Variants in FRMD3 observed in about 807,000 individuals in gnomAD.
FRMD3 encodes FERM domain-containing protein 3.
Under a neutral mutation model 70.2 loss-of-function variants are expected in FRMD3, and 33 were observed. The observed-to-expected ratio is 0.47, with a 90% confidence interval of 0.36 to 0.63. FRMD3 has a LOEUF of 0.63. FRMD3 is among the 20% of genes least tolerant of loss of function. The pLI is 0.00. For missense variants in FRMD3, 632 were observed against 711.4 expected, an observed-to-expected ratio of 0.89 and a Z score of 1.27; for synonymous variants, 279 against 255.9, an observed-to-expected ratio of 1.09 and a Z score of -0.86.
intron 10 of FRMD3, among the ~76,000 whole-genome samples, chr9:83,307,332 G>A (rs990985848): frequency 3.9e-5 from 6 of 152,204 alleles, no homozygotes; most frequent in African/African-American, 1.4e-4. Context: ...ATATGCCCAA[G>A]AGAACTGTCC....
Position 83,247,027 on chromosome 9 carries a change from T to C in FRMD3, c.*891A>G, listed in dbSNP as rs1832139293. 1 of 985,426 alleles carries C rather than the reference T, an allele frequency of 1.0e-6. No homozygotes were observed. The highest frequency in any genetic ancestry group is 4.7e-5 in the South Asian group (1 of 21,286). 61.0% of individuals were successfully genotyped at this position (985,426 alleles called of 1,614,324 possible). On this transcript the variant is annotated 3_prime_UTR_variant, in exon 14 of 14. Coordinates refer to ENST00000304195, the MANE Select transcript of FRMD3 (RefSeq NM_174938.6). Reference sequence around the variant, plus strand: ...CTAGCACATCTGTTACCTTTTTTCCTTTAAACTCTCACTTTCTTTTTAAAA... The same window carrying C: ...CTAGCACATCTGTTACCTTTTTTCCCTTAAACTCTCACTTTCTTTTTAAAA...
intron 1 of FRMD3, among the ~76,000 whole-genome samples, chr9:83,496,061 C>G (rs1828935307): frequency 6.6e-6 from 1 of 152,174 alleles, no homozygotes; most frequent in South Asian, 2.1e-4. Context: ...ATGAGACCTT[C>G]TTACACTAGC....
chr9:83,569,433 G>C, the FRMD3 span, among the ~76,000 whole-genome samples: 1 of 152,190 alleles, frequency 6.6e-6, no homozygotes, highest in African/African-American at 2.4e-5. Context: ...GCGTCTGCCT[G>C]GCCCAGGAGC....
intron 13 of FRMD3, among the ~76,000 whole-genome samples, chr9:83,254,617 A>G (rs1368225647): frequency 1.3e-5 from 2 of 152,120 alleles, no homozygotes; most frequent in African/African-American, 4.8e-5. Flanking sequence ...AGAAAAAAAT[A>G]AACTAGATAG....
At chr9:83,482,111 C>T (rs994876137) in intron 1 of FRMD3, among the ~76,000 whole-genome samples, 1 of 152,162 alleles carries the variant, frequency 6.6e-6, no homozygotes, top group Non-Finnish European at 1.5e-5. Flanking sequence ...GCTGTCTCCA[C>T]GATTACTTGG....
chr9:83,421,734 A>T (rs1173301873), intron 1 of FRMD3, among the ~76,000 whole-genome samples: 1 of 152,210 alleles, frequency 6.6e-6, no homozygotes, highest in African/African-American at 2.4e-5. Context: ...TTTGATACAA[A>T]GTTATTTCCC....
intron 1 of FRMD3, among the ~76,000 whole-genome samples, chr9:83,456,015 G>T (rs1478943798): frequency 6.6e-6 from 1 of 152,064 alleles, no homozygotes; most frequent in Non-Finnish European, 1.5e-5. Context: ...ATACAAAAAG[G>T]TTTACCATGG....
intron 1 of FRMD3, among the ~76,000 whole-genome samples, chr9:83,519,374 G>A (rs138153389): frequency 3.9e-5 from 6 of 152,072 alleles, no homozygotes; most frequent in South Asian, 2.1e-4. Context: ...TTATGCGGCC[G>A]CCAAACACAT....
intron 1 of FRMD3, among the ~76,000 whole-genome samples, chr9:83,535,497 GCT>G (rs1275236583): frequency 6.6e-6 from 1 of 152,132 alleles, no homozygotes; most frequent in Non-Finnish European, 1.5e-5. Context: ...ATGTCCAAGA[GCT>G]CCTGCTCCTC....
rs778524664 is a variant in FRMD3 at position 83,248,199 on chromosome 9, G to A, written c.1513C>T (p.Arg505Cys). 1.2e-5 allele frequency: 20 copies of A among 1,614,162 alleles called. No homozygotes were observed. Among genetic ancestry groups the A allele is most frequent in the Admixed American group, 5.0e-5 (3 of 60,026 alleles). The change falls in exon 14 of 14, where the codon CGC (arginine) becomes TGC (cysteine). Residue 505 changes from arginine to cysteine, a missense_variant. Arg to Cys is a radical substitution (Grantham distance 180). Coordinates refer to ENST00000304195, the MANE Select transcript of FRMD3 (RefSeq NM_174938.6). Reference sequence around the variant, plus strand: ...TCATAGCTCCACGACAAAGCACGGCGAGCCTCCTTCAGCTCCTCTTCTTCA... The same window carrying A: ...TCATAGCTCCACGACAAAGCACGGCAAGCCTCCTTCAGCTCCTCTTCTTCA... ...IAEEEELKEA[R>C]RALSWSYDIL...
chr9:83,559,088 T>C, the FRMD3 span, among the ~76,000 whole-genome samples: 3 of 152,218 alleles, frequency 2.0e-5, no homozygotes, highest in Non-Finnish European at 2.9e-5. Flanking sequence ...AGTTAGCTGA[T>C]AAAGCAGTAG....
At chr9:83,313,447 C>G (rs959742182) in intron 7 of FRMD3, among the ~76,000 whole-genome samples, 1 of 152,176 alleles carries the variant, frequency 6.6e-6, no homozygotes, top group Non-Finnish European at 1.5e-5. Context: ...AATATGGCTA[C>G]TACATGGCAA....
upstream of FRMD3, chr9:83,538,413 T>TC (rs973055967): frequency 1.2e-5 from 5 of 421,930 alleles, no homozygotes; most frequent in Non-Finnish European, 2.0e-5. This position sits in a 1 kb window ranked among gnomAD's most constrained non-coding sequence, Gnocchi z 4.7. Flanking sequence ...GGCGGGTCCC[T>TC]CCCTCTGTTC....
intron 1 of FRMD3, among the ~76,000 whole-genome samples, chr9:83,530,347 AC>A (rs1295414781): frequency 6.6e-6 from 1 of 152,264 alleles, no homozygotes; most frequent in East Asian, 1.9e-4. Flanking sequence ...ATATGGATAA[AC>A]CTTGAAAACA....
intron 12 of FRMD3, among the ~76,000 whole-genome samples, chr9:83,292,934 C>T (rs986539113): frequency 6.6e-6 from 1 of 152,086 alleles, no homozygotes; most frequent in Admixed American, 6.5e-5. Context: ...CGTGAGCCAC[C>T]ACGCCCAGCC....
intron 1 of FRMD3, among the ~76,000 whole-genome samples, chr9:83,485,329 C>T (rs192909944): frequency 2.0e-5 from 3 of 152,288 alleles, no homozygotes; most frequent in South Asian, 4.1e-4. Context: ...CAGAGTAATT[C>T]GTAAATAATT....
chr9:83,574,594 C>G, the FRMD3 span, among the ~76,000 whole-genome samples: 1 of 152,228 alleles, frequency 6.6e-6, no homozygotes, highest in Middle Eastern at 3.4e-3. Context: ...GAGGAATTTT[C>G]TCACCTTCTT....
At chr9:83,445,425 G>A (rs755606253) in intron 1 of FRMD3, among the ~76,000 whole-genome samples, 29 of 152,128 alleles carry the variant, frequency 1.9e-4, no homozygotes, top group Non-Finnish European at 3.4e-4. Context: ...CCACACCAGA[G>A]GCATGCCATC....
At chr9:83,524,674 A>G (rs958394806) in intron 1 of FRMD3, among the ~76,000 whole-genome samples, 2 of 152,202 alleles carry the variant, frequency 1.3e-5, no homozygotes, top group African/African-American at 4.8e-5. Context: ...CCCCATCCTA[A>G]TCTTGCTAAA....
Sources: gnomAD v4.1 joint callset for allele counts (sites outside exome capture counted in the v4.1 genomes callset) on GRCh38, gnomAD v4.1.1 for gene constraint, Gnocchi (gnomAD v3.1) non-coding constraint, MANE v1.5 for transcripts, NCBI Gene and HGNC (gene_info 2026-07-23, HGNC 2026-07-21) for gene names.